Variants in MYH7B observed in about 807,000 individuals in gnomAD.
The protein encoded by MYH7B is myosin heavy chain 7B.
A neutral mutation model predicts 234.5 loss-of-function variants in MYH7B; 205 were observed. That is an observed-to-expected ratio of 0.87 (90% CI 0.78 to 0.98). MYH7B has a LOEUF of 0.98. Among genes scored for constraint, MYH7B ranks in the 50% least tolerant of loss-of-function variants. The pLI is 0.00. For synonymous variants in MYH7B, 1,193 were observed against 1,105.0 expected (o/e 1.08, Z -1.58); for missense variants, 2,652 against 2,633.4 (o/e 1.01, Z -0.15).
intron 22 of MYH7B, 59 bp downstream of exon 22, chr20:34,990,369 A>C: frequency 6.3e-7 from 1 of 1,587,230 alleles, no homozygotes; most frequent in South Asian, 1.1e-5. Context: ...CCCGTCCTTC[A>C]CCCCCTGCCC....
intron 24 of MYH7B, 82 bp downstream of exon 24, chr20:34,991,203 G>A (rs1461961584): frequency 1.0e-6 from 1 of 972,296 alleles, no homozygotes; most frequent in African/African-American, 1.6e-5. Context: ...GAGCCCAACA[G>A]ACGGTCCCCT....
rs773344989 is a variant in MYH7B, at chr20:34,993,396, G to GCA, written c.2370_2371insCA (p.Val791GlnfsTer3). ...AGCTCCGTGACCAGCGCCTGGCCAA[G>GCA]GTGCTGACGCTGCTGCAGGCGCGGA... On this transcript the variant is annotated frameshift_variant, in exon 26 of 45. Transcript: ENST00000262873. LOFTEE classifies it high-confidence loss of function. 2 of 1,613,398 alleles carry GCA rather than the reference G, an allele frequency of 1.2e-6. No individual in the cohort carries two copies. The highest frequency in any genetic ancestry group is 2.7e-5 in the African/African-American group (2 of 74,936).
intron 18 of MYH7B, 37 bp from the exon 19 acceptor site, chr20:34,988,055 C>T (rs749920189): frequency 6.9e-6 from 11 of 1,593,570 alleles, no homozygotes; most frequent in South Asian, 4.5e-5. Context: ...TCCCCATCTG[C>T]GAGAGGTCTG....
At chr20:34,962,150 C>T (rs930899541) in intron 2 of MYH7B, among the ~76,000 whole-genome samples, 6 of 152,126 alleles carry the variant, frequency 3.9e-5, no homozygotes, top group African/African-American at 1.2e-4. Flanking sequence ...TCACTTGAGC[C>T]CAGTAGGTCA....
chr20:35,001,691 C>T, intron 43 of MYH7B, 165 bp downstream of exon 43: 1 of 797,258 alleles, frequency 1.3e-6, no homozygotes, highest in Non-Finnish European at 2.0e-6. Context: ...AGCTCCTTCT[C>T]ATGGAACAGA....
At chr20:34,961,798 T>A (rs900793368) in intron 2 of MYH7B, among the ~76,000 whole-genome samples, 4 of 152,272 alleles carry the variant, frequency 2.6e-5, no homozygotes, top group African/African-American at 7.2e-5. Context: ...TTTGCAAGGT[T>A]CATCCATGTT....
At chr20:34,980,941 T>TG (rs1317975057) in intron 8 of MYH7B, 92 bp from the exon 9 acceptor site, 1 of 1,570,826 alleles carries the variant, frequency 6.4e-7, no homozygotes, top group African/African-American at 1.4e-5. Flanking sequence ...CTCTGGGTGG[T>TG]GGGGTCTGCC....
chr20:34,997,010 G>T, intron 30 of MYH7B, 73 bp from the exon 31 acceptor site: 2 of 1,337,958 alleles, frequency 1.5e-6, no homozygotes, highest in Non-Finnish European at 9.7e-7. Flanking sequence ...AGGGGACTGG[G>T]GGGCGTTATG....
At position 34,986,195 on chromosome 20, in the gene MYH7B, C is replaced by T; in HGVS notation, c.901C>T (p.Gln301Ter). 1 of 1,589,962 alleles carries T rather than the reference C, an allele frequency of 6.3e-7. No homozygotes were observed. The highest frequency in any genetic ancestry group is 8.6e-7 in the Non-Finnish European group (1 of 1,166,704). ...CCTCTCAGGGAGGAAGCCAGAGCTG[C>T]AGGGTGAGGGGCAGTACGATGAAGG... The change falls in exon 14 of 45, where the codon CAG (glutamine) becomes TAG (stop). Residue 301 changes from glutamine to a stop codon, truncating the protein, a stop_gained. Transcript: ENST00000262873. LOFTEE classifies it high-confidence loss of function.
At chr20:34,998,250 C>T (rs2082301062) in intron 32 of MYH7B, 45 bp from the exon 33 acceptor site, 1 of 1,605,010 alleles carries the variant, frequency 6.2e-7, no homozygotes, top group African/African-American at 1.3e-5. Flanking sequence ...CAAACTTGTT[C>T]TGACATCTAA....
chr20:34,967,331 T>C (rs1600407471), intron 2 of MYH7B, among the ~76,000 whole-genome samples: 1 of 152,172 alleles, frequency 6.6e-6, no homozygotes, highest in Non-Finnish European at 1.5e-5. Context: ...CTGAAGGCTC[T>C]GCTCAAGGAG....
intron 14 of MYH7B, 126 bp downstream of exon 14, chr20:34,986,324 T>G: frequency 4.2e-6 from 3 of 721,474 alleles, no homozygotes; most frequent in Non-Finnish European, 7.0e-6. Flanking sequence ...GTGGCCTCTC[T>G]TCCTTCTTGG....
At chr20:34,967,494 C>T (rs777458970) in intron 2 of MYH7B, among the ~76,000 whole-genome samples, 21 of 152,136 alleles carry the variant, frequency 1.4e-4, no homozygotes, top group Non-Finnish European at 2.6e-4. Context: ...TTTTGGGCCT[C>T]CCTCTGCCCC....
intron 43 of MYH7B, 106 bp from the exon 44 acceptor site, chr20:35,001,842 A>AAAGTTGAG: frequency 6.6e-7 from 1 of 1,505,054 alleles, no homozygotes; most frequent in Non-Finnish European, 8.9e-7. Context: ...CAATAGGAAC[A>AAAGTTGAG]AAGTTGAGAA....
At chr20:34,987,884 T>C in exon 18 of MYH7B, 2 of 1,609,282 alleles carry the variant, frequency 1.2e-6, no homozygotes, top group East Asian at 2.2e-5. Context: ...TCATCGGGGT[T>C]CTGGACATCG....
At chr20:34,982,213 G>A (rs1293944173) in intron 9 of MYH7B, among the ~76,000 whole-genome samples, 1 of 152,158 alleles carries the variant, frequency 6.6e-6, no homozygotes, top group Admixed American at 6.5e-5. Flanking sequence ...CTGTAACTGA[G>A]CCAATGGAGT....
rs1600423961 is a variant in MYH7B, at chr20:34,981,113, A to G, written c.527+53A>G. 3 of 1,606,162 alleles carry G rather than the reference A, an allele frequency of 1.9e-6. No homozygotes were observed. In the East Asian group the frequency reaches 6.7e-5, roughly 36 times the overall value. ...GGAAAATGCTGGCCATCTGGCAGAAAGAGGGCGGTACCACAGTCATTTCCC... is the reference window on the plus strand; with the variant it reads ...GGAAAATGCTGGCCATCTGGCAGAAGGAGGGCGGTACCACAGTCATTTCCC... On this transcript the variant is annotated intron_variant, in intron 9 of 44. Coordinates refer to ENST00000262873, the Ensembl canonical transcript of MYH7B.
At position 34,989,934 on chromosome 20, in the gene MYH7B, G is replaced by C; in HGVS notation, c.1767+15G>C. 1 of 1,613,270 alleles carries C rather than the reference G, an allele frequency of 6.2e-7. No individual in the cohort carries two copies. The highest frequency in any genetic ancestry group is 8.5e-7 in the Non-Finnish European group (1 of 1,179,430). ...ACGCAGGCGTGGTAGGTGCTTGCTG[G>C]AACCCCAGCCCTCGGCCAGGCTCCT... On this transcript the variant is annotated intron_variant, in intron 20 of 44. Transcript: ENST00000262873.
intron 3 of MYH7B, among the ~76,000 whole-genome samples, chr20:34,977,298 C>CT (rs2081869717): frequency 6.6e-6 from 1 of 152,128 alleles, no homozygotes; most frequent in African/African-American, 2.4e-5. Context: ...GGTTTCCCCT[C>CT]TGAGTGTCCT....
Sources: gnomAD v4.1 joint callset for allele counts (sites outside exome capture counted in the v4.1 genomes callset) on GRCh38, gnomAD v4.1.1 for gene constraint, MANE v1.5 for transcripts, NCBI Gene and HGNC (gene_info 2026-07-23, HGNC 2026-07-21) for gene names.